Variants in VPS13A observed in about 807,000 individuals in gnomAD.
VPS13A encodes vacuolar protein sorting 13 homolog A, also known as intermembrane lipid transfer protein VPS13A.
In VPS13A, 264 loss-of-function variants were observed where a neutral mutation model predicts 390.9. The ratio of observed to expected loss-of-function variants is 0.68; its 90% CI spans 0.61 to 0.75. The LOEUF (loss-of-function observed/expected upper bound fraction) is 0.75. VPS13A is among the 30% of genes least tolerant of loss of function. The pLI is 0.00. For missense variants in VPS13A, 3,409 were observed against 3,733.9 expected (o/e 0.91, Z 2.27); for synonymous variants, 1,231 against 1,227.1 (o/e 1.00, Z -0.07).
At chr9:77,288,221 C>T (rs900750715) in intron 31 of VPS13A, among the ~76,000 whole-genome samples, 9 of 151,916 alleles carry the variant, frequency 5.9e-5, no homozygotes, top group East Asian at 1.9e-4. Context: ...AACGATGTAT[C>T]GATTTTATTG....
At chr9:77,276,272 A>G (rs1480546995) in intron 26 of VPS13A, 51 bp downstream of exon 26, 8 of 1,463,660 alleles carry the variant, frequency 5.5e-6, no homozygotes, top group African/African-American at 2.8e-5. Context: ...TTGTTTGACT[A>G]CCTGCTAGAG....
chr9:77,408,290 A>T (rs544111586), intron 71 of VPS13A, among the ~76,000 whole-genome samples: 31 of 151,858 alleles, frequency 2.0e-4, no homozygotes, highest in African/African-American at 7.5e-4. Context: ...TCATTATATC[A>T]TGAAACTTAC....
At chr9:77,407,668 A>T (rs1350941080) in intron 71 of VPS13A, 61 bp downstream of exon 71, 2 of 1,272,964 alleles carry the variant, frequency 1.6e-6, no homozygotes, top group Admixed American at 3.7e-5. Context: ...ATGTAAGTGG[A>T]CTATTTTTTA....
At chr9:77,380,772 C>G (rs1294124213) in intron 67 of VPS13A, among the ~76,000 whole-genome samples, 1 of 152,198 alleles carries the variant, frequency 6.6e-6, no homozygotes, top group African/African-American at 2.4e-5. Context: ...TGGAACTGTT[C>G]CACCTCAGAT....
In VPS13A at chr9:77,306,401, A is replaced by T. The variant is rs112340122; in HGVS notation, c.3961-1544A>T. Reference sequence around the variant, plus strand: ...GGGTTCTCCAGAGAGAGAGAGAGAGAGTGTGTGTGTGTTTGTGTGTGTGTG... The same window carrying T: ...GGGTTCTCCAGAGAGAGAGAGAGAGTGTGTGTGTGTGTTTGTGTGTGTGTG... On this transcript the variant is annotated intron_variant, in intron 34 of 71. Transcript: ENST00000360280. Among the ~76,000 whole-genome samples the T allele has an allele frequency of 8.0e-3, 857 of 107,764 alleles. 8 individuals carry two copies. The highest frequency in any genetic ancestry group is 0.025 in the African/African-American group (725 of 28,632). The allele number at this position is 107,764 out of a possible 152,430, so 70.7% of individuals were successfully genotyped here. A position where few individuals can be genotyped will look rare whatever the true frequency, so the allele number is the denominator to read the frequency against.
At position 77,360,561 on chromosome 9, in the gene VPS13A, A is replaced by G; in HGVS notation, c.8131A>G (p.Met2711Val). The part of the protein sequence containing the change: ...IKYFKVLIQE[M>V]DLRLDLGFIY... ...GTATTTCAAAGTATTGATTCAAGAA[A>G]TGGATCTCAGGTTAGATCTTGGGTT... is the stretch of plus-strand genomic sequence containing the variant. Residue 2711 changes from methionine to valine, a missense_variant, in exon 59 of 72, where the codon ATG becomes GTG. Physicochemically the swap from Met to Val is conservative, Grantham distance 21. Around this residue, in one of 5 missense-constraint regions of VPS13A, gnomAD observed 221 missense variants for 300.7 expected, o/e 0.73. Coordinates refer to ENST00000360280, the MANE Select transcript of VPS13A (RefSeq NM_033305.3). The G allele has an allele frequency of 1.9e-6, 3 of 1,612,900 alleles. No individual in the cohort carries two copies. Among genetic ancestry groups the G allele is most frequent in the Non-Finnish European group, 2.5e-6 (3 of 1,179,246 alleles).
At chr9:77,195,091 T>TA (rs1564621406) in intron 1 of VPS13A, among the ~76,000 whole-genome samples, 1 of 152,172 alleles carries the variant, frequency 6.6e-6, no homozygotes. Context: ...TTCTAAGTTT[T>TA]ATAGTTTTCA....
chr9:77,226,802 C>G (rs117969753), intron 15 of VPS13A, among the ~76,000 whole-genome samples: 1 of 152,084 alleles, frequency 6.6e-6, no homozygotes, highest in East Asian at 1.9e-4. Context: ...CTAGTGCTTA[C>G]AAAAAGAGCT....
At chr9:77,358,272 A>C (rs1186710343) in intron 56 of VPS13A, 85 bp from the exon 57 acceptor site, 2 of 1,254,852 alleles carry the variant, frequency 1.6e-6, no homozygotes. Flanking sequence ...AGACTTTTTG[A>C]TTCTTTTTGT....
chr9:77,321,882 T>C (rs1829771368), intron 44 of VPS13A, 136 bp downstream of exon 44: 4 of 1,030,352 alleles, frequency 3.9e-6, no homozygotes, highest in Non-Finnish European at 5.6e-6. Context: ...TCCTTTCTAA[T>C]AGGTCAAGAA....
chr9:77,374,102 G>T (rs1174553560), intron 67 of VPS13A, among the ~76,000 whole-genome samples: 1 of 151,950 alleles, frequency 6.6e-6, no homozygotes, highest in Non-Finnish European at 1.5e-5. Flanking sequence ...TGTATTTCTT[G>T]GTTCAAACTC....
At chr9:77,384,809 A>G in intron 68 of VPS13A, 1 of 1,485,372 alleles carries the variant, frequency 6.7e-7, no homozygotes, top group Admixed American at 2.3e-5. Context: ...GTTTTCCTAC[A>G]CATTTTCATA....
In VPS13A at chr9:77,235,308, T is replaced by C. The variant is rs952354986; in HGVS notation, c.1596-2694T>C. Among the ~76,000 whole-genome samples the C allele has an allele frequency of 3.9e-5, 6 of 152,214 alleles. No homozygotes were observed. The South Asian group carries it at 6.2e-4, about 16-fold the overall frequency. On this transcript the variant is annotated intron_variant, in intron 17 of 71. Coordinates refer to ENST00000360280, the MANE Select transcript of VPS13A (RefSeq NM_033305.3). ...TTCCTTCATTTTAGAAGGATAGTTT[T>C]GTCATATATAGATTTCTTGGTTGAC...
chr9:77,206,765 T>C (rs1825662947), intron 5 of VPS13A, among the ~76,000 whole-genome samples: 1 of 152,186 alleles, frequency 6.6e-6, no homozygotes, highest in South Asian at 2.1e-4. Flanking sequence ...CATCTGTTTA[T>C]GTTCTTCTCC....
intron 68 of VPS13A, among the ~76,000 whole-genome samples, chr9:77,386,739 G>A (rs1321105201): frequency 3.5e-5 from 5 of 141,938 alleles, no homozygotes; most frequent in African/African-American, 5.3e-5. Context: ...ATGGAGTCTC[G>A]TTCTGTCGCC....
intron 10 of VPS13A, among the ~76,000 whole-genome samples, chr9:77,217,196 A>T (rs533028120): frequency 6.6e-6 from 1 of 152,322 alleles, no homozygotes; most frequent in South Asian, 2.1e-4. Flanking sequence ...CGAGGGCAGT[A>T]TTCTCAAAGT....
chr9:77,279,466 C>A (rs370002024), intron 26 of VPS13A, among the ~76,000 whole-genome samples: 1 of 152,066 alleles, frequency 6.6e-6, no homozygotes, highest in African/African-American at 2.4e-5. Flanking sequence ...CTGCTTGTAT[C>A]TGTGCCCACT....
chr9:77,214,105 G>A (rs899400018), intron 9 of VPS13A, among the ~76,000 whole-genome samples: 1 of 151,948 alleles, frequency 6.6e-6, no homozygotes, highest in African/African-American at 2.4e-5. Flanking sequence ...TTAAAACCCT[G>A]TCTCTACTAA....
intron 68 of VPS13A, among the ~76,000 whole-genome samples, chr9:77,399,389 A>G (rs912028127): frequency 4.6e-5 from 7 of 152,156 alleles, no homozygotes; most frequent in Admixed American, 1.3e-4. Context: ...TTAACTGCTT[A>G]TATGCACAGA....
Sources: gnomAD v4.1 joint callset for allele counts (sites outside exome capture counted in the v4.1 genomes callset) on GRCh38, gnomAD v4.1.1 for gene constraint, gnomAD v4.1.1 regional missense constraint, MANE v1.5 for transcripts, NCBI Gene and HGNC (gene_info 2026-07-23, HGNC 2026-07-21) for gene names.